The following KANK1 variants were observed in gnomAD, a reference collection of about 807,000 sequenced individuals.
The protein encoded by KANK1 is KN motif and ankyrin repeat domains 1.
In KANK1, 109 loss-of-function variants were observed where a neutral mutation model predicts 106.2. The ratio of observed to expected loss-of-function variants is 1.03; its 90% CI spans 0.88 to 1.20. The LOEUF is 1.20. Ranked by LOEUF, KANK1 falls within the 50% of genes most tolerant of loss-of-function variation. The pLI is 0.00. For missense variants in KANK1, 2,399 were observed against 1,710.7 expected (o/e 1.40, Z -7.10); for synonymous variants, 873 against 652.2 (o/e 1.34, Z -5.16).
At chr9:499,051 G>T (rs553700044) in intron 3 of KANK1, among the ~76,000 whole-genome samples, 3 of 151,858 alleles carry the variant, frequency 2.0e-5, no homozygotes, top group East Asian at 1.9e-4. Flanking sequence ...GGTGGCGAGC[G>T]CCTGTAGTCC....
intron 3 of KANK1, among the ~76,000 whole-genome samples, chr9:497,425 ACT>A (rs1201555698): frequency 7.2e-6 from 1 of 139,018 alleles, no homozygotes; most frequent in Admixed American, 6.8e-5. Flanking sequence ...TATGCATGTG[ACT>A]CTTCACACAC....
chr9:644,747 G>T (rs76953381), intron 1 of KANK1, among the ~76,000 whole-genome samples: 1 of 150,902 alleles, frequency 6.6e-6, no homozygotes, highest in Non-Finnish European at 1.5e-5. Context: ...TGGGGACACA[G>T]ATCTAAACCA....
chr9:633,314 C>T (rs1014694502), intron 1 of KANK1, among the ~76,000 whole-genome samples: 6 of 151,864 alleles, frequency 4.0e-5, no homozygotes, highest in East Asian at 2.0e-4. Flanking sequence ...AAAAATTAGC[C>T]GGGCGTGGTG....
At chr9:622,196 T>A (rs2136429974) in intron 1 of KANK1, among the ~76,000 whole-genome samples, 1 of 152,324 alleles carries the variant, frequency 6.6e-6, no homozygotes, top group East Asian at 1.9e-4. Context: ...TATTTGGAAC[T>A]AATGACTTCT....
chr9:640,393 G>A (rs989316579), intron 1 of KANK1, among the ~76,000 whole-genome samples: 9 of 151,248 alleles, frequency 6.0e-5, no homozygotes, highest in Non-Finnish European at 1.2e-4. Flanking sequence ...ATGCCATCAC[G>A]CCCAGCTAAT....
intron 1 of KANK1, among the ~76,000 whole-genome samples, chr9:632,047 C>T (rs1056305922): frequency 6.6e-6 from 1 of 152,176 alleles, no homozygotes; most frequent in African/African-American, 2.4e-5. Flanking sequence ...TAATCCCTGT[C>T]TCCGTAGCAT....
intron 1 of KANK1, among the ~76,000 whole-genome samples, chr9:534,088 C>T (rs947944846): frequency 6.6e-6 from 1 of 152,300 alleles, no homozygotes; most frequent in Non-Finnish European, 1.5e-5. Context: ...CAGTTGTTTT[C>T]AGGTGGACCC....
intron 3 of KANK1, among the ~76,000 whole-genome samples, chr9:492,725 A>T (rs2058397504): frequency 6.6e-6 from 1 of 152,132 alleles, no homozygotes; most frequent in Non-Finnish European, 1.5e-5. Context: ...AAAATATCTT[A>T]TTGTTATTAA....
intron 2 of KANK1, among the ~76,000 whole-genome samples, chr9:694,387 G>C (rs776651191): frequency 1.3e-5 from 2 of 152,142 alleles, no homozygotes; most frequent in African/African-American, 2.4e-5. Flanking sequence ...AGAAAGTTTG[G>C]AAAATAACAG....
intron 1 of KANK1, among the ~76,000 whole-genome samples, chr9:627,057 A>G (rs537857458): frequency 6.6e-6 from 1 of 152,044 alleles, no homozygotes; most frequent in South Asian, 2.1e-4. Flanking sequence ...CCAAGGGGGA[A>G]AAAAAGGTGG....
chr9:571,815 A>G (rs1329072226), intron 1 of KANK1, among the ~76,000 whole-genome samples: 1 of 152,218 alleles, frequency 6.6e-6, no homozygotes, highest in Non-Finnish European at 1.5e-5. Flanking sequence ...AAGGCAGCAC[A>G]TAGATTATTC....
At chr9:631,727 C>T (rs1243960861) in intron 1 of KANK1, among the ~76,000 whole-genome samples, 1 of 152,212 alleles carries the variant, frequency 6.6e-6, no homozygotes, top group Non-Finnish European at 1.5e-5. Flanking sequence ...TCATCCATCC[C>T]TTGCATATTT....
At chr9:694,501 T>C (rs1820749144) in intron 2 of KANK1, among the ~76,000 whole-genome samples, 1 of 152,150 alleles carries the variant, frequency 6.6e-6, no homozygotes, top group Admixed American at 6.5e-5. Flanking sequence ...ATAGTTGGGG[T>C]TGCACTTAGG....
At chr9:670,592 T>C (rs1362024956) in intron 1 of KANK1, among the ~76,000 whole-genome samples, 1 of 152,200 alleles carries the variant, frequency 6.6e-6, no homozygotes, top group Non-Finnish European at 1.5e-5. Flanking sequence ...CTGTGGAATC[T>C]ACCTCCTACA....
chr9:744,732 T>A, intron 11 of KANK1, 143 bp downstream of exon 11: 1 of 1,541,598 alleles, frequency 6.5e-7, no homozygotes, highest in Non-Finnish European at 8.8e-7. Flanking sequence ...GAGTTCATCC[T>A]TTCCGCCTCC....
chr9:549,072 TTTC>T (rs1272602283), intron 1 of KANK1: 2 of 152,014 alleles, frequency 1.3e-5, no homozygotes, highest in African/African-American at 2.4e-5. Flanking sequence ...AATTCTAAAG[TTTC>T]TTTTCTTTTT....
chr9:485,770 C>G (rs1230405395), intron 3 of KANK1, among the ~76,000 whole-genome samples: 3 of 151,200 alleles, frequency 2.0e-5, no homozygotes, highest in African/African-American at 7.3e-5. Context: ...ACTCGGGAGG[C>G]TGAGGCAGGA....
chr9:710,702 T>C, intron 2 of KANK1, 102 bp from the exon 3 acceptor site: 1 of 1,138,444 alleles, frequency 8.8e-7, no homozygotes, highest in Non-Finnish European at 1.2e-6. Flanking sequence ...GTGTCAACTC[T>C]TAAAATCATA....
At chr9:666,070 A>C (rs913158544) in intron 1 of KANK1, among the ~76,000 whole-genome samples, 1 of 151,922 alleles carries the variant, frequency 6.6e-6, no homozygotes, top group Non-Finnish European at 1.5e-5. Flanking sequence ...GGTTGCAGCT[A>C]CTTGGGAGGC....
Sources: gnomAD v4.1 joint callset for allele counts (sites outside exome capture counted in the v4.1 genomes callset) on GRCh38, gnomAD v4.1.1 for gene constraint, MANE v1.5 for transcripts, NCBI Gene and HGNC (gene_info 2026-07-23, HGNC 2026-07-21) for gene names.